Variants in SLC35F3 observed in about 807,000 individuals in gnomAD.
SLC35F3 encodes solute carrier family 35 member F3.
SLC35F3 carries 25 observed loss-of-function variants against 49.9 expected under a neutral mutation model. The ratio of observed to expected loss-of-function variants is 0.50; its 90% confidence interval spans 0.37 to 0.70. The LOEUF (loss-of-function observed/expected upper bound fraction) is 0.70. SLC35F3 is among the 30% of genes least tolerant of loss of function. The probability of loss-of-function intolerance (pLI) is 0.00; values close to 1 mark genes in which losing one functional copy is unlikely to be tolerated. For synonymous variants in SLC35F3, 275 were observed against 265.4 expected (o/e 1.04, Z -0.35); for missense variants, 525 against 639.8 (o/e 0.82, Z 1.94).
intron 3 of SLC35F3, among the ~76,000 whole-genome samples, chr1:234,291,719 A>G (rs1668510805): frequency 6.6e-6 from 1 of 152,168 alleles, no homozygotes; most frequent in South Asian, 2.1e-4. Context: ...ATGAGCCACC[A>G]TTCTAGGCCT....
intron 2 of SLC35F3, among the ~76,000 whole-genome samples, chr1:234,142,107 T>G (rs1416310226): frequency 6.6e-6 from 1 of 152,198 alleles, no homozygotes; most frequent in Non-Finnish European, 1.5e-5. Context: ...CTCATGCTAC[T>G]AGAAGGCAGA....
At chr1:234,283,665 T>G (rs1305204577) in intron 3 of SLC35F3, among the ~76,000 whole-genome samples, 2 of 152,170 alleles carry the variant, frequency 1.3e-5, no homozygotes, top group African/African-American at 4.8e-5. Flanking sequence ...GAATCCCCCA[T>G]AACAGAGAAT....
intron 3 of SLC35F3, among the ~76,000 whole-genome samples, chr1:234,234,814 A>G (rs1176669147): frequency 6.6e-6 from 1 of 152,162 alleles, no homozygotes; most frequent in African/African-American, 2.4e-5. Flanking sequence ...AGGTGATGAT[A>G]TATGCACTGT....
chr1:234,295,029 A>T (rs576713685), intron 3 of SLC35F3, among the ~76,000 whole-genome samples: 46 of 152,370 alleles, frequency 3.0e-4, no homozygotes, highest in African/African-American at 9.1e-4. Context: ...GCAGAAACTG[A>T]GTTCAGCCAG....
chr1:233,936,196 G>A (rs555886733), intron 2 of SLC35F3, among the ~76,000 whole-genome samples: 5 of 152,172 alleles, frequency 3.3e-5, no homozygotes, highest in African/African-American at 1.2e-4. Flanking sequence ...AGTAGCCATG[G>A]CCCCCCCAGG....
intron 2 of SLC35F3, among the ~76,000 whole-genome samples, chr1:234,008,979 A>G (rs1663672915): frequency 6.6e-6 from 1 of 152,128 alleles, no homozygotes; most frequent in Non-Finnish European, 1.5e-5. Context: ...TTTTTTGGAT[A>G]TCATATCACT....
intron 2 of SLC35F3, among the ~76,000 whole-genome samples, chr1:234,067,259 A>G (rs77256401): frequency 0.021 from 3,184 of 152,244 alleles, 154 homozygotes; most frequent in East Asian, 0.17. Context: ...CCTATTTCTG[A>G]AGATTTCAAC....
At chr1:234,157,498 A>T (rs1214926584) in intron 2 of SLC35F3, among the ~76,000 whole-genome samples, 1 of 152,198 alleles carries the variant, frequency 6.6e-6, no homozygotes, top group Non-Finnish European at 1.5e-5. Context: ...ATAATTAAAA[A>T]AAAGAAGGAA....
At chr1:233,989,482 A>G (rs1198345161) in intron 2 of SLC35F3, among the ~76,000 whole-genome samples, 1 of 152,218 alleles carries the variant, frequency 6.6e-6, no homozygotes, top group Admixed American at 6.5e-5. Context: ...TGTGGTACTA[A>G]GCAAATATTA....
chr1:234,134,710 G>T (rs1444806188), intron 2 of SLC35F3, among the ~76,000 whole-genome samples: 1 of 151,814 alleles, frequency 6.6e-6, no homozygotes, highest in African/African-American at 2.4e-5. Flanking sequence ...CCTGGCACTG[G>T]TTTTTTTGTG....
At chr1:233,980,570 G>A (rs976188191) in intron 2 of SLC35F3, among the ~76,000 whole-genome samples, 4 of 152,194 alleles carry the variant, frequency 2.6e-5, no homozygotes, top group Non-Finnish European at 4.4e-5. Context: ...TCTGGCCCTC[G>A]TGGGAGAAGG....
In SLC35F3 at chr1:234,046,019, A is replaced by C. The variant is rs966281140; in HGVS notation, c.283+140261A>C. On this transcript the variant is annotated intron_variant, in intron 2 of 7. Coordinates refer to ENST00000366618, the MANE Select transcript of SLC35F3 (RefSeq NM_173508.4). This position sits in a 1 kb window ranked among gnomAD's most constrained non-coding sequence, Gnocchi z 4.4. ...CTCCATTGTAGCTGAATAATATGCT[A>C]TGTTTATCCTTTACCTGTTGATGGA... 6.6e-5 allele frequency among the ~76,000 whole-genome samples: 10 copies of C among 152,144 alleles called. No individual in the cohort carries two copies. Among genetic ancestry groups the C allele is most frequent in the Non-Finnish European group, 7.4e-5 (5 of 67,982 alleles).
chr1:233,990,594 A>G (rs968157040), intron 2 of SLC35F3, among the ~76,000 whole-genome samples: 57 of 151,176 alleles, frequency 3.8e-4, no homozygotes, highest in Non-Finnish European at 7.4e-5. Context: ...GATTTTGCTA[A>G]GGGAGTAGAT....
rs1288956011 is a variant in SLC35F3, at chr1:233,957,070, C to T, written c.283+51312C>T. ...CCCAGGTAAGTGAAGAAGCCTTTGC[C>T]GGTTTTATTTTTCCTGGTATCCTCT... On this transcript the variant is annotated intron_variant, in intron 2 of 7. Coordinates refer to ENST00000366618, the MANE Select transcript of SLC35F3 (RefSeq NM_173508.4). This position sits in a 1 kb window ranked among gnomAD's most constrained non-coding sequence, Gnocchi z 4.0. Among the ~76,000 whole-genome samples the T allele has an allele frequency of 2.6e-5, 4 of 152,126 alleles. No individual in the cohort carries two copies. Among genetic ancestry groups the T allele is most frequent in the Admixed American group, 6.5e-5 (1 of 15,272 alleles).
rs117838653 is a variant in SLC35F3 at position 234,188,302 on chromosome 1, G to C, written c.284-43115G>C. Among the ~76,000 whole-genome samples, 976 of 151,950 alleles carry C rather than the reference G, an allele frequency of 6.4e-3. 8 individuals are homozygous for C. The highest frequency in any genetic ancestry group is 0.039 in the South Asian group (189 of 4,806). ...AGGCTGGTAGCCTGGTGCAAGTTCT[G>C]AGCCCTGTTCACCCACTGCCTGGAA... On this transcript the variant is annotated intron_variant, in intron 2 of 7. Transcript: ENST00000366618.
intron 2 of SLC35F3, among the ~76,000 whole-genome samples, chr1:233,913,516 T>C (rs1558176623): frequency 6.6e-6 from 1 of 152,206 alleles, no homozygotes; most frequent in African/African-American, 2.4e-5. Context: ...CAGGGCTTGT[T>C]ATTGTGTCTC....
intron 2 of SLC35F3, among the ~76,000 whole-genome samples, chr1:234,114,602 C>T (rs1265891678): frequency 1.3e-5 from 2 of 152,116 alleles, no homozygotes; most frequent in African/African-American, 2.4e-5. Flanking sequence ...AAAAGAATGT[C>T]TTTGTTTGCT....
intron 2 of SLC35F3, among the ~76,000 whole-genome samples, chr1:233,910,383 C>T (rs905587892): frequency 2.6e-5 from 4 of 152,234 alleles, no homozygotes; most frequent in Non-Finnish European, 5.9e-5. Context: ...AGGAACATAT[C>T]TTGGAGTTTC....
chr1:234,184,236 A>C (rs1332897098), intron 2 of SLC35F3, among the ~76,000 whole-genome samples: 4 of 148,854 alleles, frequency 2.7e-5, no homozygotes, highest in Non-Finnish European at 4.4e-5. Context: ...CCTTGCTGCT[A>C]TTGCTTACAT....
Sources: allele counts gnomAD v4.1 joint callset (sites outside exome capture counted in the v4.1 genomes callset), GRCh38; gene constraint gnomAD v4.1.1; non-coding constraint Gnocchi (gnomAD v3.1); transcripts MANE v1.5; gene names NCBI Gene and HGNC (gene_info 2026-07-23, HGNC 2026-07-21).